Variants in PLEKHA5 observed in about 807,000 individuals in gnomAD.
The protein encoded by PLEKHA5 is pleckstrin homology domain-containing family A member 5.
In PLEKHA5, 55 loss-of-function variants were observed where a neutral mutation model predicts 181.9. That is an observed-to-expected ratio of 0.30 (90% CI 0.24 to 0.38). PLEKHA5 has a LOEUF of 0.38. Among genes scored for constraint, PLEKHA5 ranks in the 10% least tolerant of loss-of-function variants. The probability of loss-of-function intolerance (pLI) is 1.00; values close to 1 mark genes in which losing one functional copy is unlikely to be tolerated. For synonymous variants in PLEKHA5, 535 were observed against 529.4 expected (o/e 1.01, Z -0.15); for missense variants, 1,432 against 1,549.5 (o/e 0.92, Z 1.27).
chr12:19,203,967 A>G (rs12311206), intron 3 of PLEKHA5, among the ~76,000 whole-genome samples: 127,423 of 151,956 alleles, frequency 0.84, 54,883 homozygotes, highest in Non-Finnish European at 0.95. Flanking sequence ...CCCCATACAT[A>G]CAGTACTTAG....
chr12:19,247,611 G>A (rs1372398736), intron 3 of PLEKHA5, among the ~76,000 whole-genome samples: 1 of 151,926 alleles, frequency 6.6e-6, no homozygotes, highest in Non-Finnish European at 1.5e-5. Flanking sequence ...TAGTTTCATA[G>A]AAGCTTTAAA....
intron 3 of PLEKHA5, among the ~76,000 whole-genome samples, chr12:19,161,209 T>TC (rs1243367078): frequency 6.6e-6 from 1 of 151,964 alleles, no homozygotes; most frequent in Admixed American, 6.6e-5. Context: ...GTATTTTTTT[T>TC]CCCCACTCTT....
chr12:19,360,801 G>C (rs893789697), intron 28 of PLEKHA5, among the ~76,000 whole-genome samples: 10 of 152,030 alleles, frequency 6.6e-5, no homozygotes, highest in Non-Finnish European at 1.3e-4. Context: ...TGTCGCCCAG[G>C]CTGGAGTACA....
intron 8 of PLEKHA5, among the ~76,000 whole-genome samples, chr12:19,268,288 T>G (rs2071246047): frequency 6.6e-6 from 1 of 152,200 alleles, no homozygotes; most frequent in Non-Finnish European, 1.5e-5. Context: ...AATTTAAATT[T>G]TTTTGTTGCT....
intron 3 of PLEKHA5, among the ~76,000 whole-genome samples, chr12:19,190,054 C>T (rs1391221735): frequency 6.6e-6 from 1 of 152,062 alleles, no homozygotes; most frequent in Non-Finnish European, 1.5e-5. Context: ...CTCCTTGTGT[C>T]GTATATTTTA....
chr12:19,368,613 A>G (rs921232493), intron 30 of PLEKHA5, among the ~76,000 whole-genome samples: 1 of 152,002 alleles, frequency 6.6e-6, no homozygotes, highest in African/African-American at 2.4e-5. Flanking sequence ...ACCAACATGG[A>G]GAAACCCCGT....
At chr12:19,217,609 T>G (rs532861362) in intron 3 of PLEKHA5, among the ~76,000 whole-genome samples, 1 of 152,204 alleles carries the variant, frequency 6.6e-6, no homozygotes, top group South Asian at 2.1e-4. Flanking sequence ...GTAGGAAAAT[T>G]CTCCCTGGGT....
chr12:19,335,450 C>T (rs1392211267), intron 20 of PLEKHA5, among the ~76,000 whole-genome samples: 4 of 150,974 alleles, frequency 2.6e-5, no homozygotes, highest in Middle Eastern at 3.4e-3. Context: ...GAGTCTCGCA[C>T]TGTCACCCAG....
intron 29 of PLEKHA5, among the ~76,000 whole-genome samples, chr12:19,363,634 AGCGTGT>A (rs1282329536): frequency 1.3e-5 from 2 of 150,622 alleles, no homozygotes; most frequent in Non-Finnish European, 3.0e-5. Context: ...TGGGATTACA[AGCGTGT>A]GCCACCATGC....
intron 3 of PLEKHA5, among the ~76,000 whole-genome samples, chr12:19,215,949 TAAAAG>T (rs1301526809): frequency 6.6e-6 from 1 of 152,164 alleles, no homozygotes; most frequent in East Asian, 1.9e-4. Context: ...CTAGAAAACT[TAAAAG>T]ATAAGTGTAA....
chr12:19,324,478 C>G (rs1272817487), intron 20 of PLEKHA5, among the ~76,000 whole-genome samples: 3 of 151,888 alleles, frequency 2.0e-5, no homozygotes, highest in Non-Finnish European at 4.4e-5. Context: ...AATGACTTAC[C>G]CAAGGTTACA....
chr12:19,141,365 A>C (rs535015733), intron 3 of PLEKHA5, among the ~76,000 whole-genome samples: 5 of 152,342 alleles, frequency 3.3e-5, no homozygotes, highest in African/African-American at 1.2e-4. Context: ...GCTAGTCTTC[A>C]GTCATTGTCT....
chr12:19,260,510 T>G (rs1401002779), intron 6 of PLEKHA5, among the ~76,000 whole-genome samples: 1 of 152,190 alleles, frequency 6.6e-6, no homozygotes, highest in Non-Finnish European at 1.5e-5. Context: ...AATTGGCCTT[T>G]TAGATAGGTT....
At chr12:19,279,507 A>G (rs2075493631) in intron 11 of PLEKHA5, among the ~76,000 whole-genome samples, 1 of 151,996 alleles carries the variant, frequency 6.6e-6, no homozygotes, top group South Asian at 2.1e-4. Flanking sequence ...TACTAAAAAT[A>G]CAAAAATTAG....
Position 19,283,519 on chromosome 12 carries a change from A to G in PLEKHA5, c.1553A>G (p.Tyr518Cys), listed in dbSNP as rs200785429. 3 of 1,614,198 alleles carry G rather than the reference A, an allele frequency of 1.9e-6. No individual in the cohort carries two copies. Among genetic ancestry groups the G allele is most frequent in the East Asian group, 2.2e-5 (1 of 44,882 alleles). ...TACGAATGGCAGCAGCGTCAGTTTT[A>G]TAACAAACAGAGCACCCTCCCTCGA... ...QLYEWQQRQF[Y>C]NKQSTLPRHS... Residue 518 changes from tyrosine to cysteine, a missense_variant, in exon 12 of 32, where the codon TAT (tyrosine) becomes TGT (cysteine). Coordinates refer to ENST00000429027, the MANE Select transcript of PLEKHA5 (RefSeq NM_001256470.2).
intron 10 of PLEKHA5, among the ~76,000 whole-genome samples, chr12:19,272,309 A>T (rs1465102646): frequency 6.6e-6 from 1 of 152,174 alleles, no homozygotes; most frequent in Non-Finnish European, 1.5e-5. Context: ...TATATTATTT[A>T]TGGTACCTTA....
chr12:19,172,353 T>G (rs1197616559), intron 3 of PLEKHA5, among the ~76,000 whole-genome samples: 2 of 152,168 alleles, frequency 1.3e-5, no homozygotes, highest in African/African-American at 4.8e-5. Flanking sequence ...CAAAATGTCA[T>G]TATGTGGTTC....
chr12:19,242,585 G>C (rs1189426684), intron 3 of PLEKHA5, among the ~76,000 whole-genome samples: 2 of 152,068 alleles, frequency 1.3e-5, no homozygotes, highest in African/African-American at 4.8e-5. Flanking sequence ...ATTTAAGAGA[G>C]CTTTTAAGAA....
chr12:19,279,435 G>A (rs1255321361), intron 11 of PLEKHA5, among the ~76,000 whole-genome samples: 1 of 151,998 alleles, frequency 6.6e-6, no homozygotes, highest in Non-Finnish European at 1.5e-5. Flanking sequence ...GGCCAAGGTG[G>A]TTGGATCACC....
Sources: gnomAD v4.1 joint callset for allele counts (sites outside exome capture counted in the v4.1 genomes callset) on GRCh38, gnomAD v4.1.1 for gene constraint, MANE v1.5 for transcripts, NCBI Gene and HGNC (gene_info 2026-07-23, HGNC 2026-07-21) for gene names.